The following PDE1A variants were observed in gnomAD, a reference collection of about 807,000 sequenced individuals.
PDE1A encodes the protein phosphodiesterase 1A.
A neutral mutation model predicts 61.7 loss-of-function variants in PDE1A; 35 were observed. That is an observed-to-expected ratio of 0.57 (90% CI 0.43 to 0.75). PDE1A has a LOEUF of 0.75. Ranked by LOEUF, PDE1A falls within the 30% of genes least tolerant of loss-of-function variation. The pLI is 0.00. For missense variants in PDE1A, 597 were observed against 630.6 expected (o/e 0.95, Z 0.57); for synonymous variants, 232 against 213.2 (o/e 1.09, Z -0.77).
chr2:182,702,345 C>T, the PDE1A span, among the ~76,000 whole-genome samples: 1 of 152,284 alleles, frequency 6.6e-6, no homozygotes, highest in East Asian at 1.9e-4. Context: ...TAAAGTGATC[C>T]ACCCACCTCG....
chr2:182,610,060 C>T, the PDE1A span, among the ~76,000 whole-genome samples: 5 of 147,978 alleles, frequency 3.4e-5, no homozygotes, highest in Middle Eastern at 6.9e-3. Flanking sequence ...TGCACACCAG[C>T]TTGGGAGACA....
At chr2:182,175,729 T>G (rs1692698623) in intron 13 of PDE1A, among the ~76,000 whole-genome samples, 1 of 62,884 alleles carries the variant, frequency 1.6e-5, no homozygotes, top group Middle Eastern at 4.4e-3. Flanking sequence ...TTGCCATTGC[T>G]TTTGGTGTTT....
chr2:182,457,595 G>A (rs1686009606), intron 2 of PDE1A, among the ~76,000 whole-genome samples: 1 of 151,962 alleles, frequency 6.6e-6, no homozygotes, highest in East Asian at 1.9e-4. Flanking sequence ...GATTAATGCT[G>A]ATGTATGGTT....
At chr2:182,263,864 G>A (rs1692408434) in intron 2 of PDE1A, among the ~76,000 whole-genome samples, 1 of 152,124 alleles carries the variant, frequency 6.6e-6, no homozygotes, top group African/African-American at 2.4e-5. Flanking sequence ...TCCCTGCATA[G>A]AGGGCCTGTT....
chr2:182,577,658 A>G, the PDE1A span, among the ~76,000 whole-genome samples: 1 of 152,234 alleles, frequency 6.6e-6, no homozygotes, highest in African/African-American at 2.4e-5. Flanking sequence ...ATAGAATTGC[A>G]TTCATAAAAT....
intron 1 of PDE1A, among the ~76,000 whole-genome samples, chr2:182,342,166 C>A (rs1269556924): frequency 1.3e-5 from 2 of 152,156 alleles, no homozygotes; most frequent in African/African-American, 2.4e-5. Flanking sequence ...ATTAAACAAT[C>A]TTTTATGTTT....
At chr2:182,556,582 T>C in the PDE1A span, among the ~76,000 whole-genome samples, 3 of 152,288 alleles carry the variant, frequency 2.0e-5, 1 homozygote, top group Admixed American at 1.3e-4. Flanking sequence ...AATGGCCATA[T>C]TGGGAATTGA....
intron 2 of PDE1A, among the ~76,000 whole-genome samples, chr2:182,262,836 A>C (rs1692320222): frequency 6.6e-6 from 1 of 152,204 alleles, no homozygotes; most frequent in African/African-American, 2.4e-5. Flanking sequence ...CAAAAATACA[A>C]AATAAAAATA....
At chr2:182,444,155 T>TC (rs1684982193) in intron 2 of PDE1A, among the ~76,000 whole-genome samples, 1 of 152,170 alleles carries the variant, frequency 6.6e-6, no homozygotes, top group African/African-American at 2.4e-5. Context: ...TGGACGACTT[T>TC]CAGTTCACCT....
chr2:182,501,079 C>A (rs1001485202), intron 2 of PDE1A, among the ~76,000 whole-genome samples: 1 of 152,154 alleles, frequency 6.6e-6, no homozygotes, highest in Admixed American at 6.5e-5. Context: ...TGCAAATTTA[C>A]AAAACAATTT....
chr2:182,239,954 T>A (rs1011928266), intron 3 of PDE1A, among the ~76,000 whole-genome samples, 156 bp downstream of exon 3: 3 of 152,198 alleles, frequency 2.0e-5, no homozygotes, highest in Non-Finnish European at 1.5e-5. Flanking sequence ...TATAGGTAAG[T>A]TCATCATAAA....
chr2:182,398,658 A>C (rs1263777717), intron 1 of PDE1A, among the ~76,000 whole-genome samples: 1 of 152,060 alleles, frequency 6.6e-6, no homozygotes, highest in African/African-American at 2.4e-5. Context: ...TTGGATCAGT[A>C]CTGACCACAA....
rs1699279895 is a variant in PDE1A, at chr2:182,357,792, G to C, written c.53+68786C>G. Among the ~76,000 whole-genome samples the C allele has an allele frequency of 8.5e-5, 13 of 152,316 alleles. No homozygotes were observed. The South Asian group carries it at 2.7e-3, about 32-fold the overall frequency. On this transcript the variant is annotated intron_variant, in intron 1 of 13. Transcript: ENST00000351439. ...CTGAATAATATTGGGTTCCAGACTT[G>C]ATTTTAATTTAAATTGCTCCATAAT... is the stretch of plus-strand genomic sequence containing the variant.
At position 182,273,534 on chromosome 2, in the gene PDE1A, A is replaced by T. The variant is rs533419447; in HGVS notation, c.54-9120T>A. ...CTTATCTACTGAACTAACTGAAAAC[A>T]GGCACATATTTCAGGTTTGAGGTAG... is the stretch of plus-strand genomic sequence containing the variant. On this transcript the variant is annotated intron_variant, in intron 1 of 13. Transcript: ENST00000351439. Among the ~76,000 whole-genome samples, 228 of 152,126 alleles carry T rather than the reference A, an allele frequency of 1.5e-3. 1 individual carries two copies. Among genetic ancestry groups the T allele is most frequent in the Admixed American group, 3.3e-3 (51 of 15,276 alleles).
the PDE1A span, among the ~76,000 whole-genome samples, chr2:182,689,386 G>A: frequency 5.6e-3 from 846 of 152,160 alleles, 14 homozygotes; most frequent in African/African-American, 0.02. Context: ...ACTCAAAACC[G>A]CTCAACTACA....
chr2:182,703,410 A>G, the PDE1A span, among the ~76,000 whole-genome samples: 5 of 152,190 alleles, frequency 3.3e-5, no homozygotes, highest in African/African-American at 1.2e-4. Context: ...AGAAATTCCA[A>G]TTCTGATCAG....
intron 2 of PDE1A, among the ~76,000 whole-genome samples, chr2:182,511,350 G>A (rs1189765314): frequency 6.6e-6 from 1 of 152,012 alleles, no homozygotes; most frequent in Non-Finnish European, 1.5e-5. Context: ...GGCTGCGAAT[G>A]CTGTATGGGA....
the PDE1A span, among the ~76,000 whole-genome samples, chr2:182,616,319 A>T: frequency 6.6e-6 from 1 of 152,250 alleles, no homozygotes; most frequent in Admixed American, 6.5e-5. Context: ...CCAGTGAGGT[A>T]GCTAGGGCTC....
chr2:182,565,115 G>A, the PDE1A span, among the ~76,000 whole-genome samples: 4 of 152,304 alleles, frequency 2.6e-5, no homozygotes, highest in South Asian at 8.3e-4. Flanking sequence ...TTCCTTTGGA[G>A]GAGGAGAGGC....
Sources: gnomAD v4.1 joint callset for allele counts (sites outside exome capture counted in the v4.1 genomes callset) on GRCh38, gnomAD v4.1.1 for gene constraint, MANE v1.5 for transcripts, NCBI Gene and HGNC (gene_info 2026-07-23, HGNC 2026-07-21) for gene names.